MCTP1: variants seen among roughly 807,000 people sequenced by gnomAD.
MCTP1 encodes the protein multiple C2 and transmembrane domain containing 1.
In MCTP1, 69 loss-of-function variants were observed where a neutral mutation model predicts 120.6. The observed-to-expected ratio is 0.57, with a 90% CI of 0.47 to 0.70. The LOEUF is 0.70. MCTP1 is among the 30% of genes least tolerant of loss of function. MCTP1 has a pLI of 0.00. For missense variants in MCTP1, 1,203 were observed against 1,248.8 expected, an observed-to-expected ratio of 0.96 and a Z score of 0.55; for synonymous variants, 529 against 493.1, an observed-to-expected ratio of 1.07 and a Z score of -0.96.
At chr5:95,069,677 C>T (rs1751611850) in intron 1 of MCTP1, among the ~76,000 whole-genome samples, 1 of 147,886 alleles carries the variant, frequency 6.8e-6, no homozygotes, top group African/African-American at 2.5e-5. Flanking sequence ...GCTTCAGACA[C>T]AAAAACAAAT....
At chr5:95,231,385 G>A (rs1026447551) in intron 1 of MCTP1, among the ~76,000 whole-genome samples, 2 of 151,920 alleles carry the variant, frequency 1.3e-5, no homozygotes, top group Non-Finnish European at 2.9e-5. Flanking sequence ...TCAACAAACT[G>A]GGGTAACAGG....
intron 1 of MCTP1, among the ~76,000 whole-genome samples, chr5:95,102,865 G>A (rs1009583273): frequency 6.6e-6 from 1 of 152,146 alleles, no homozygotes; most frequent in African/African-American, 2.4e-5. Context: ...TTAACAAACT[G>A]CTTGGGAAAC....
At chr5:95,044,552 C>T (rs1276255333) in intron 1 of MCTP1, among the ~76,000 whole-genome samples, 3 of 152,080 alleles carry the variant, frequency 2.0e-5, no homozygotes, top group Admixed American at 6.6e-5. Context: ...GCTTACTTGA[C>T]CTTTCTACTT....
At chr5:95,256,309 A>G (rs548468167) in intron 1 of MCTP1, among the ~76,000 whole-genome samples, 2 of 152,204 alleles carry the variant, frequency 1.3e-5, no homozygotes, top group Non-Finnish European at 2.9e-5. Context: ...CCTACCTGGA[A>G]GCGGGGCATG....
Position 94,953,922 on chromosome 5 carries a change from TA to T in MCTP1, c.839-562del, listed in dbSNP as rs1407113369. Among the ~76,000 whole-genome samples, 92 of 33,222 alleles carry T rather than the reference TA, an allele frequency of 2.8e-3. 18 individuals are homozygous for T. The highest frequency in any genetic ancestry group is 3.6e-3 in the Admixed American group (8 of 2,214). 21.8% of individuals were successfully genotyped at this position (33,222 alleles called of 152,430 possible). A position where few individuals can be genotyped will look rare whatever the true frequency, so the allele number is the denominator to read the frequency against. ...ATATATATGCATATATATACAAATA[TA>T]ATATATGCATATATATACAAATATA... is the stretch of plus-strand genomic sequence containing the variant. On this transcript the variant is annotated intron_variant, in intron 2 of 22. Coordinates refer to ENST00000515393, the MANE Select transcript of MCTP1 (RefSeq NM_024717.7).
intron 2 of MCTP1, among the ~76,000 whole-genome samples, chr5:94,971,854 C>A (rs993146560): frequency 6.6e-6 from 1 of 152,238 alleles, no homozygotes; most frequent in East Asian, 1.9e-4. Flanking sequence ...TTTATAATCA[C>A]AGTTCATTCT....
chr5:95,142,298 G>A (rs1206814700), intron 1 of MCTP1, among the ~76,000 whole-genome samples: 6 of 152,184 alleles, frequency 3.9e-5, no homozygotes, highest in Admixed American at 2.6e-4. Flanking sequence ...TGTGGCTTAT[G>A]ATACGTCTCT....
intron 10 of MCTP1, among the ~76,000 whole-genome samples, chr5:94,908,342 A>G (rs539388343): frequency 6.6e-6 from 1 of 152,134 alleles, no homozygotes; most frequent in Admixed American, 6.5e-5. Context: ...TAATCCTATG[A>G]AGAAAATGAT....
chr5:94,840,940 G>C (rs1247320977), intron 17 of MCTP1, among the ~76,000 whole-genome samples: 1 of 152,140 alleles, frequency 6.6e-6, no homozygotes, highest in Non-Finnish European at 1.5e-5. Context: ...AGGTGAGGAA[G>C]GGAAATTGTT....
At chr5:95,009,785 C>T (rs1246276803) in intron 2 of MCTP1, among the ~76,000 whole-genome samples, 1 of 152,094 alleles carries the variant, frequency 6.6e-6, no homozygotes, top group East Asian at 1.9e-4. Flanking sequence ...AGATCACGTA[C>T]TTTCTAATTC....
intron 17 of MCTP1, among the ~76,000 whole-genome samples, chr5:94,836,569 A>G (rs1789838068): frequency 6.6e-6 from 1 of 152,152 alleles, no homozygotes; most frequent in African/African-American, 2.4e-5. Context: ...TTGAGATTTA[A>G]TGCTGGAAGA....
At chr5:95,037,330 G>T (rs1413972214) in intron 1 of MCTP1, among the ~76,000 whole-genome samples, 2 of 152,154 alleles carry the variant, frequency 1.3e-5, no homozygotes, top group Non-Finnish European at 1.5e-5. Flanking sequence ...GTGGGCAAAT[G>T]CTTAGGAAAA....
chr5:94,710,282 T>C (rs1334991081), intron 21 of MCTP1: 1 of 152,094 alleles, frequency 6.6e-6, no homozygotes, highest in Non-Finnish European at 1.5e-5. Context: ...AAATCACCTT[T>C]GATGTAGGTC....
chr5:95,175,091 GAC>G (rs1273784957), intron 1 of MCTP1, among the ~76,000 whole-genome samples: 1 of 152,098 alleles, frequency 6.6e-6, no homozygotes, highest in Non-Finnish European at 1.5e-5. Context: ...TTGTTCTCCA[GAC>G]ACAGTGGGAA....
intron 1 of MCTP1, among the ~76,000 whole-genome samples, chr5:95,054,320 C>A (rs916267576): frequency 4.6e-5 from 7 of 152,106 alleles, no homozygotes; most frequent in Non-Finnish European, 7.4e-5. Flanking sequence ...CATTTTGAAG[C>A]AGAGAACAGG....
At chr5:94,804,441 T>G (rs1433549000) in intron 17 of MCTP1, among the ~76,000 whole-genome samples, 1 of 152,132 alleles carries the variant, frequency 6.6e-6, no homozygotes, top group Non-Finnish European at 1.5e-5. Context: ...TTTTCTTTTC[T>G]TTTCTTTTCT....
chr5:95,031,558 G>A (rs946088117), intron 1 of MCTP1, among the ~76,000 whole-genome samples: 3 of 152,080 alleles, frequency 2.0e-5, no homozygotes, highest in Non-Finnish European at 4.4e-5. Context: ...AAACAAAGGA[G>A]AAATAAAGTC....
chr5:95,057,662 T>C (rs1339970107), intron 1 of MCTP1, among the ~76,000 whole-genome samples: 1 of 152,184 alleles, frequency 6.6e-6, no homozygotes, highest in African/African-American at 2.4e-5. Flanking sequence ...ACAGGAATAG[T>C]CTCCCTTTAT....
In MCTP1 at chr5:94,834,980, G is replaced by A. The variant is rs1037458164; in HGVS notation, c.2436+33353C>T. The stretch of plus-strand genomic sequence containing the variant: ...TAGGATTACAAGTGTGTGCCACCAC[G>A]CCCAGCTAGTTTTGTATTTTTAGTA... On this transcript the variant is annotated intron_variant, in intron 17 of 22. Coordinates refer to ENST00000515393, the MANE Select transcript of MCTP1 (RefSeq NM_024717.7). Among the ~76,000 whole-genome samples, 15 of 152,030 alleles carry A rather than the reference G, an allele frequency of 9.9e-5. 1 individual carries two copies. In the South Asian group the frequency reaches 1.0e-3, roughly 11 times the overall value.
Sources: allele counts gnomAD v4.1 joint callset (sites outside exome capture counted in the v4.1 genomes callset), GRCh38; gene constraint gnomAD v4.1.1; transcripts MANE v1.5; gene names NCBI Gene and HGNC (gene_info 2026-07-23, HGNC 2026-07-21).